Variants in PCNX4 observed in about 807,000 individuals in gnomAD.
PCNX4 encodes the protein pecanex-like protein 4.
PCNX4 carries 103 observed loss-of-function variants against 107.2 expected under a neutral mutation model. The observed-to-expected ratio is 0.96, with a 90% CI of 0.82 to 1.13. PCNX4 has a LOEUF of 1.13. Among genes scored for constraint, PCNX4 ranks in the 50% most tolerant of loss-of-function variants. PCNX4 has a pLI of 0.00. For missense variants in PCNX4, 1,528 were observed against 1,379.4 expected (o/e 1.11, Z -1.71); for synonymous variants, 541 against 481.7 (o/e 1.12, Z -1.61).
Position 60,115,029 on chromosome 14 carries a change from C to T in PCNX4, c.925C>T (p.Pro309Ser). 6.2e-7 allele frequency: 1 copy of T among 1,612,742 alleles called. No individual in the cohort carries two copies. The highest frequency in any genetic ancestry group is 2.2e-5 in the East Asian group (1 of 44,828). Reference sequence around the variant, plus strand: ...AACAGCTATAGCATCATATTTCATTCCAAGCACTGTTGGTGTGGTTCTTTT... The same window carrying T: ...AACAGCTATAGCATCATATTTCATTTCAAGCACTGTTGGTGTGGTTCTTTT... The part of the protein sequence containing the change: ...AGTAIASYFI[P>S]STVGVVLFMT... The change falls in exon 4 of 11, where the codon CCA (proline) becomes TCA (serine). Residue 309 changes from proline (P) to serine (S), a missense_variant. Pro to Ser is a moderately conservative substitution (Grantham distance 74). Transcript: ENST00000406854.
chr14:60,108,528 A>G, intron 2 of PCNX4: 1 of 394,596 alleles, frequency 2.5e-6, no homozygotes, highest in Non-Finnish European at 4.6e-6. Flanking sequence ...CTTATTAAAG[A>G]GTTTTTTTAA....
rs1195066869 is a variant in PCNX4 at position 60,144,770 on chromosome 14, T to A, written c.*10549T>A. The A allele has an allele frequency of 2.1e-5, 12 of 582,068 alleles. No homozygotes were observed. In the East Asian group the frequency reaches 3.6e-4, roughly 18 times the overall value. The allele number at this position is 582,068 out of a possible 1,614,324, so 36.1% of individuals were successfully genotyped here. A position where few individuals can be genotyped will look rare whatever the true frequency, so the allele number is the denominator to read the frequency against. On this transcript the variant is annotated 3_prime_UTR_variant, in exon 11 of 11. Transcript: ENST00000406854. Reference sequence around the variant, plus strand: ...ATTTTATCCAAGAATATAGTATGAGTTAATACCTTTTTTGCAAGATTCATG... The same window carrying A: ...ATTTTATCCAAGAATATAGTATGAGATAATACCTTTTTTGCAAGATTCATG...
At position 60,107,961 on chromosome 14, in the gene PCNX4, A is replaced by G. The variant is rs780340852; in HGVS notation, c.323A>G (p.Asp108Gly). 6.2e-6 allele frequency: 10 copies of G among 1,612,876 alleles called. No homozygotes were observed. Among genetic ancestry groups the G allele is most frequent in the Non-Finnish European group, 8.5e-6 (10 of 1,179,880 alleles). The stretch of plus-strand genomic sequence containing the variant: ...ACAGTAGAAAGAATACTAACCACGG[A>G]TATCTTAGCAGAGGAGGATGAGCAT... ...STTVERILTT[D>G]ILAEEDEHEF... Residue 108 changes from aspartate (D) to glycine (G), a missense_variant, in exon 2 of 11, where the codon GAT (aspartate) becomes GGT (glycine). Physicochemically the swap from Asp to Gly is moderately conservative, Grantham distance 94. Transcript: ENST00000406854.
At chr14:60,118,782 C>T (rs1895901498) in intron 7 of PCNX4, 90 bp downstream of exon 7, 5 of 1,363,414 alleles carry the variant, frequency 3.7e-6, no homozygotes, top group Middle Eastern at 3.8e-4. Context: ...TTTTATCCAA[C>T]CATAAGATAG....
In PCNX4 at chr14:60,101,746, T is replaced by C. The variant is rs185252697; in HGVS notation, c.-53-5840T>C. On this transcript the variant is annotated intron_variant, in intron 1 of 10. Transcript: ENST00000406854. ...CTACCATATGATCTAGCAATTTTGCTTTTGGGTATTTATACAAAATAATTG... is the reference window on the plus strand; with the variant it reads ...CTACCATATGATCTAGCAATTTTGCCTTTGGGTATTTATACAAAATAATTG... Among the ~76,000 whole-genome samples, 77 of 152,296 alleles carry C rather than the reference T, an allele frequency of 5.1e-4. 2 individuals are homozygous for C. Among genetic ancestry groups the C allele is most frequent in the Admixed American group, 1.0e-3 (16 of 15,312 alleles).
At position 60,145,351 on chromosome 14, in the gene PCNX4, A is replaced by G. The variant is rs542076085; in HGVS notation, c.*11130A>G. The G allele has an allele frequency of 5.9e-6, 1 of 170,888 alleles. No homozygotes were observed. Among genetic ancestry groups the G allele is most frequent in the South Asian group, 1.9e-4 (1 of 5,136 alleles). The allele number at this position is 170,888 out of a possible 1,614,324, so 10.6% of individuals were successfully genotyped here. A position where few individuals can be genotyped will look rare whatever the true frequency, so the allele number is the denominator to read the frequency against. ...ATAAATAAAAACAATGAGTCAGATT[A>G]TGTAGAATTGAGATATATGGAAGAT... On this transcript the variant is annotated 3_prime_UTR_variant, in exon 11 of 11. Transcript: ENST00000406854. The surrounding 1 kb of genome is among the most constrained non-coding windows in gnomAD (Gnocchi z 4.0).
rs1479756396 is a variant in PCNX4 at position 60,145,474 on chromosome 14, G to C, written c.*11253G>C. The C allele has an allele frequency of 6.6e-6, 1 of 152,406 alleles. No individual in the cohort carries two copies. The highest frequency in any genetic ancestry group is 1.9e-4 in the East Asian group (1 of 5,218). 9.4% of individuals were successfully genotyped at this position (152,406 alleles called of 1,614,324 possible). ...GAGGTGGGCAGATCACCTGAGGTCAGGAGTTAGAGACCAGCCTGGCAAAAC... is the reference window on the plus strand; with the variant it reads ...GAGGTGGGCAGATCACCTGAGGTCACGAGTTAGAGACCAGCCTGGCAAAAC... On this transcript the variant is annotated 3_prime_UTR_variant, in exon 11 of 11. Coordinates refer to ENST00000406854, the MANE Select transcript of PCNX4 (RefSeq NM_001330177.2). The surrounding 1 kb of genome is among the most constrained non-coding windows in gnomAD (Gnocchi z 4.0).
Position 60,124,423 on chromosome 14 carries a change from A to T in PCNX4, c.2252A>T (p.Glu751Val), listed in dbSNP as rs749754178. The T allele has an allele frequency of 4.3e-6, 7 of 1,613,652 alleles. No individual in the cohort carries two copies. The highest frequency in any genetic ancestry group is 5.9e-6 in the Non-Finnish European group (7 of 1,179,704). ...NVLSGIIDSH[E>V]NLKEFKGDLI... Reference sequence around the variant, plus strand: ...CTATCAGGCATAATTGATTCTCATGAAAACTTAAAAGAATTTAAAGGTGAC... The same window carrying T: ...CTATCAGGCATAATTGATTCTCATGTAAACTTAAAAGAATTTAAAGGTGAC... Residue 751 changes from glutamate (E) to valine (V), a missense_variant, in exon 9 of 11, where the codon GAA becomes GTA. Glu to Val is a moderately radical substitution (Grantham distance 121, BLOSUM62 -2). Transcript: ENST00000406854.
At chr14:60,113,588 C>G (rs978414371) in intron 2 of PCNX4, among the ~76,000 whole-genome samples, 2 of 151,996 alleles carry the variant, frequency 1.3e-5, no homozygotes, top group African/African-American at 2.4e-5. Flanking sequence ...AGGCTGGTCT[C>G]GAACTCCTGA....
At chr14:60,093,845 G>A (rs1427018097) in intron 1 of PCNX4, among the ~76,000 whole-genome samples, 1 of 152,170 alleles carries the variant, frequency 6.6e-6, no homozygotes, top group East Asian at 1.9e-4. Flanking sequence ...ACAGTCTCAT[G>A]AATACTTATT....
At position 60,118,519 on chromosome 14, in the gene PCNX4, T is replaced by C; in HGVS notation, c.1769T>C (p.Leu590Ser). Residue 590 changes from leucine to serine, a missense_variant, in exon 7 of 11, where the codon TTA becomes TCA. Leu to Ser is a moderately radical substitution (Grantham distance 145). Coordinates refer to ENST00000406854, the MANE Select transcript of PCNX4 (RefSeq NM_001330177.2). Reference sequence around the variant, plus strand: ...TTTTCTACACTACTCTCTTCTCCCTTACTCCCTCTTTTCACCCTTCCTGTG... The same window carrying C: ...TTTTCTACACTACTCTCTTCTCCCTCACTCCCTCTTTTCACCCTTCCTGTG... ...IVFSTLLSSP[L>S]LPLFTLPVFL... is the part of the protein sequence containing the mutation. The C allele has an allele frequency of 1.2e-6, 2 of 1,613,858 alleles. No individual in the cohort carries two copies. Among genetic ancestry groups the C allele is most frequent in the Non-Finnish European group, 1.7e-6 (2 of 1,179,864 alleles).
At chr14:60,102,928 A>G (rs916219651) in intron 1 of PCNX4, among the ~76,000 whole-genome samples, 6 of 152,234 alleles carry the variant, frequency 3.9e-5, no homozygotes, top group African/African-American at 1.4e-4. Context: ...TCAAATTCTT[A>G]AATATTTTTA....
At chr14:60,094,772 C>A (rs76105992) in intron 1 of PCNX4, among the ~76,000 whole-genome samples, 1 of 116,154 alleles carries the variant, frequency 8.6e-6, no homozygotes, top group African/African-American at 3.0e-5. Flanking sequence ...CCCCCCCCCA[C>A]CCCCATCTTT....
intron 10 of PCNX4, among the ~76,000 whole-genome samples, chr14:60,131,235 GA>G (rs1896149702): frequency 1.3e-5 from 2 of 152,106 alleles, no homozygotes; most frequent in Admixed American, 6.5e-5. Context: ...AATTAGGCAA[GA>G]AAAAGAAAGA....
At chr14:60,095,996 G>A (rs72718087) in intron 1 of PCNX4, among the ~76,000 whole-genome samples, 11,709 of 152,094 alleles carry the variant, frequency 0.077, 598 homozygotes, top group Non-Finnish European at 0.12. Flanking sequence ...ATATTTGCAG[G>A]CACATAACCA....
intron 2 of PCNX4, 21 bp from the exon 3 acceptor site, chr14:60,114,679 A>G (rs1315290634): frequency 1.3e-6 from 2 of 1,588,622 alleles, no homozygotes; most frequent in Non-Finnish European, 1.7e-6. Context: ...TGTGATTTAA[A>G]TGTTCTTTTT....
In PCNX4 at chr14:60,133,690, A is replaced by G. The variant is rs1269650550; in HGVS notation, c.3268-280A>G. The G allele has an allele frequency of 6.9e-6, 4 of 578,770 alleles. No homozygotes were observed. In the Admixed American group the frequency reaches 8.6e-5, roughly 13 times the overall value. 35.9% of individuals were successfully genotyped at this position (578,770 alleles called of 1,614,324 possible). ...CTATGCATCGCTGAGGCAACAGATC[A>G]GAAAAGGCAGACAAAGAGAAGTGAC... On this transcript the variant is annotated intron_variant, in intron 10 of 10. Transcript: ENST00000406854.
intron 10 of PCNX4, chr14:60,133,715 C>CG (rs1896195526): frequency 4.9e-6 from 3 of 613,854 alleles, no homozygotes; most frequent in Admixed American, 2.1e-5. Context: ...AGAGAAGTGA[C>CG]TAAGATTTTG....
chr14:60,116,214 C>T (rs1329636394), intron 6 of PCNX4, among the ~76,000 whole-genome samples, 154 bp downstream of exon 6: 1 of 152,192 alleles, frequency 6.6e-6, no homozygotes, highest in Non-Finnish European at 1.5e-5. Context: ...TGTTATTTCC[C>T]ATTCCCCCTC....
Sources: gnomAD v4.1 joint callset for allele counts (sites outside exome capture counted in the v4.1 genomes callset) on GRCh38, gnomAD v4.1.1 for gene constraint, Gnocchi (gnomAD v3.1) non-coding constraint, MANE v1.5 for transcripts, NCBI Gene and HGNC (gene_info 2026-07-23, HGNC 2026-07-21) for gene names.